Variants in HSD11B1L observed in about 807,000 individuals in gnomAD.
HSD11B1L encodes the protein hydroxysteroid 11-beta dehydrogenase 1 like, also known as hydroxysteroid 11-beta-dehydrogenase 1-like protein.
HSD11B1L carries 22 observed loss-of-function variants against 27.0 expected under a neutral mutation model. That is an observed-to-expected ratio of 0.81 (90% CI 0.58 to 1.16). The LOEUF is 1.16. Among genes scored for constraint, HSD11B1L ranks in the 50% most tolerant of loss-of-function variants. The pLI is 0.00. For synonymous variants in HSD11B1L, 187 were observed against 189.2 expected (o/e 0.99, Z 0.09); for missense variants, 372 against 401.8 (o/e 0.93, Z 0.63).
chr19:5,684,208 G>T (rs952375836), intron 1 of HSD11B1L: 1 of 356,650 alleles, frequency 2.8e-6, no homozygotes, highest in Non-Finnish European at 5.0e-6. Flanking sequence ...TAGAGATGGG[G>T]TTTCACCATG....
chr19:5,686,450 A>T lies in HSD11B1L; in HGVS notation c.239A>T (p.Lys80Met). ...VGNCRKLGAPKVFYIAADMAS... is the reference protein window; with the variant it reads ...VGNCRKLGAPMVFYIAADMAS... ...AACTGCCGGAAGCTGGGCGCCCCCA[A>T]GGTCTTCTACATCGCGGCGGACATG... is the stretch of plus-strand genomic sequence containing the variant. Residue 80 changes from lysine (K) to methionine (M), a missense_variant, in exon 4 of 8, where the codon AAG becomes ATG. Lys to Met is a moderately conservative substitution (Grantham distance 95). Transcript: ENST00000339423. The T allele has an allele frequency of 6.3e-7, 1 of 1,585,490 alleles. No homozygotes were observed. Among genetic ancestry groups the T allele is most frequent in the Non-Finnish European group, 8.6e-7 (1 of 1,167,792 alleles).
At position 5,687,644 on chromosome 19, in the gene HSD11B1L, G is replaced by A. The variant is rs765182780; in HGVS notation, c.644G>A (p.Arg215His). 1.9e-6 allele frequency: 3 copies of A among 1,592,260 alleles called. No homozygotes were observed. In the South Asian group the frequency reaches 3.4e-5, roughly 18 times the overall value. The part of the protein sequence containing the change: ...ITMCVLGLRD[R>H]ASAAEAVRGV... ...ATGTGCGTCCTGGGCCTCCGAGATC[G>A]CGCCTCCGCCGCCGAGGCAGTCAGG... Residue 215 changes from arginine (R) to histidine (H), a missense_variant, in exon 7 of 8, where the codon CGC (arginine) becomes CAC (histidine). Physicochemically the swap from Arg to His is conservative, Grantham distance 29. Coordinates refer to ENST00000339423, the MANE Select transcript of HSD11B1L (RefSeq NM_198706.3). The surrounding 1 kb of genome is among the most constrained non-coding windows in gnomAD (Gnocchi z 6.6).
At position 5,688,059 on chromosome 19, in the gene HSD11B1L, A is replaced by G; in HGVS notation, c.*114A>G. 6.4e-7 allele frequency: 1 copy of G among 1,551,598 alleles called. No homozygotes were observed. On this transcript the variant is annotated 3_prime_UTR_variant, in exon 8 of 8. Transcript: ENST00000339423. ...AGAGGGTGGCCACAGCCCAAGATGA[A>G]GTCATCAAGACAGAAAAGCAAAACC... is the stretch of plus-strand genomic sequence containing the variant.
intron 1 of HSD11B1L, chr19:5,684,035 G>A: frequency 2.1e-6 from 1 of 476,724 alleles, no homozygotes; most frequent in South Asian, 3.8e-5. Flanking sequence ...GGAGTGCAAT[G>A]GCAAATCTCG....
chr19:5,684,448 T>G (rs1017930178), intron 1 of HSD11B1L: 1 of 390,156 alleles, frequency 2.6e-6, no homozygotes, highest in Non-Finnish European at 4.6e-6. Context: ...GACTGGCTGG[T>G]TTCAAGGAAC....
rs2054646639 is a variant in HSD11B1L at position 5,684,852 on chromosome 19, C to T, written c.20C>T (p.Thr7Ile). 6.2e-7 allele frequency: 1 copy of T among 1,613,760 alleles called. No individual in the cohort carries two copies. The highest frequency in any genetic ancestry group is 1.3e-5 in the African/African-American group (1 of 74,934). Reference sequence around the variant, plus strand: ...AGGACCATGAAGGTGCTTCTCCTCACAGGGCTGGGGGCCCTGTTCTTCGCC... The same window carrying T: ...AGGACCATGAAGGTGCTTCTCCTCATAGGGCTGGGGGCCCTGTTCTTCGCC... MKVLLLTGLGALFFAYY... is the reference protein window; with the variant it reads MKVLLLIGLGALFFAYY... Residue 7 changes from threonine to isoleucine, a missense_variant, in exon 2 of 8, where the codon ACA (threonine) becomes ATA (isoleucine). Coordinates refer to ENST00000339423, the MANE Select transcript of HSD11B1L (RefSeq NM_198706.3).
At chr19:5,684,453 A>G in intron 1 of HSD11B1L, 1 of 400,190 alleles carries the variant, frequency 2.5e-6, no homozygotes. Context: ...GCTGGTTTCA[A>G]GGAACAGCGA....
Position 5,687,887 on chromosome 19 carries a change from C to A in HSD11B1L, c.803C>A (p.Pro268Gln), listed in dbSNP as rs1269827373. Reference sequence around the variant, plus strand: ...CTGTGCTTGCTCCGGCGCTGGCTACCGCGCCCGCGGGCCTGGTTTATCCGC... The same window carrying A: ...CTGTGCTTGCTCCGGCGCTGGCTACAGCGCCCGCGGGCCTGGTTTATCCGC... ...RLLCLLRRWL[P>Q]RPRAWFIRQE... Residue 268 changes from proline (P) to glutamine (Q), a missense_variant, in exon 8 of 8, where the codon CCG (proline) becomes CAG (glutamine). Physicochemically the swap from Pro to Gln is moderately conservative, Grantham distance 76. Transcript: ENST00000339423. The surrounding 1 kb of genome is among the most constrained non-coding windows in gnomAD (Gnocchi z 6.6). 2 of 1,580,150 alleles carry A rather than the reference C, an allele frequency of 1.3e-6. No individual in the cohort carries two copies. Among genetic ancestry groups the A allele is most frequent in the South Asian group, 1.1e-5 (1 of 87,442 alleles).
In HSD11B1L at chr19:5,687,453, G is replaced by C; in HGVS notation, c.503-50G>C. 1 of 1,589,910 alleles carries C rather than the reference G, an allele frequency of 6.3e-7. No individual in the cohort carries two copies. The highest frequency in any genetic ancestry group is 8.5e-7 in the Non-Finnish European group (1 of 1,172,796). The stretch of plus-strand genomic sequence containing the variant: ...GGGTGAGCCTGGAGGGTCTGGGCAG[G>C]CTTCCCGGACGAGGGGGAGCCACTC... On this transcript the variant is annotated intron_variant, in intron 6 of 7. Transcript: ENST00000339423. The surrounding 1 kb of genome is among the most constrained non-coding windows in gnomAD (Gnocchi z 6.6).
rs1429880733 is a variant in HSD11B1L, at chr19:5,687,041, G to C, written c.408+50G>C. On this transcript the variant is annotated intron_variant, in intron 5 of 7. Transcript: ENST00000339423. This position sits in a 1 kb window ranked among gnomAD's most constrained non-coding sequence, Gnocchi z 6.6. Reference sequence around the variant, plus strand: ...GCCCGCCCCTCTATCTCAGGGACCGGTGGTCCGTTCCCTTCGCGGTCCGGG... The same window carrying C: ...GCCCGCCCCTCTATCTCAGGGACCGCTGGTCCGTTCCCTTCGCGGTCCGGG... The C allele has an allele frequency of 1.4e-6, 2 of 1,458,008 alleles. No individual in the cohort carries two copies. Among genetic ancestry groups the C allele is most frequent in the Non-Finnish European group, 9.3e-7 (1 of 1,074,480 alleles). The allele number at this position is 1,458,008 out of a possible 1,614,324, so 90.3% of individuals were successfully genotyped here. A position where few individuals can be genotyped will look rare whatever the true frequency, so the allele number is the denominator to read the frequency against.
chr19:5,685,155 GC>G lies in HSD11B1L; in HGVS notation c.204+37del. ...CCATGTCTAGATGAATGGTGGGGGT[GC>G]TCATGGGGGGTGGGAAGAGAGCCTG... On this transcript the variant is annotated intron_variant, in intron 3 of 7. Coordinates refer to ENST00000339423, the MANE Select transcript of HSD11B1L (RefSeq NM_198706.3). This position sits in a 1 kb window ranked among gnomAD's most constrained non-coding sequence, Gnocchi z 4.3. 6.5e-7 allele frequency: 1 copy of G among 1,539,222 alleles called. No homozygotes were observed. The highest frequency in any genetic ancestry group is 8.7e-7 in the Non-Finnish European group (1 of 1,146,590).
Position 5,687,786 on chromosome 19 carries a change from C to T in HSD11B1L, c.702C>T (p.Pro234=), listed in dbSNP as rs1348653305. ...CGAGGGTCAAGGCGGCCCCGGGGCC[C>T]AAGGCAGCCCTGGCCGTGATCCGCG... is the stretch of plus-strand genomic sequence containing the variant. ...GVTRVKAAPG[P]KAALAVIRGG... Residue 234 remains proline (P), a synonymous_variant, in exon 8 of 8, where the codon CCC becomes CCT. Coordinates refer to ENST00000339423, the MANE Select transcript of HSD11B1L (RefSeq NM_198706.3). This position sits in a 1 kb window ranked among gnomAD's most constrained non-coding sequence, Gnocchi z 6.6. The T allele has an allele frequency of 6.7e-7, 1 of 1,491,582 alleles. No homozygotes were observed. The allele number at this position is 1,491,582 out of a possible 1,614,324, so 92.4% of individuals were successfully genotyped here.
rs2054657347 is a variant in HSD11B1L, at chr19:5,685,203, C to T, written c.204+84C>T. 2.0e-6 allele frequency: 3 copies of T among 1,498,254 alleles called. No homozygotes were observed. The highest frequency in any genetic ancestry group is 2.5e-5 in the East Asian group (1 of 40,742). The allele number at this position is 1,498,254 out of a possible 1,614,324, so 92.8% of individuals were successfully genotyped here. A position where few individuals can be genotyped will look rare whatever the true frequency, so the allele number is the denominator to read the frequency against. ...CCTGGGTTTAATCCCTGCAATGATC[C>T]AGGCTTCCCGTGTGACCTTGGGCAA... On this transcript the variant is annotated intron_variant, in intron 3 of 7. Transcript: ENST00000339423. The surrounding 1 kb of genome is among the most constrained non-coding windows in gnomAD (Gnocchi z 4.3).
intron 1 of HSD11B1L, chr19:5,684,077 G>A (rs774716236): frequency 4.2e-6 from 2 of 477,780 alleles, no homozygotes; most frequent in Non-Finnish European, 7.5e-6. Context: ...CCAGGTTCAA[G>A]CGATTCTCCT....
At chr19:5,683,947 C>T in intron 1 of HSD11B1L, 2 of 393,694 alleles carry the variant, frequency 5.1e-6, no homozygotes, top group Non-Finnish European at 4.5e-6. Flanking sequence ...AGGAGGCCCT[C>T]ACTTGAAGGA....
chr19:5,687,545 A>C lies in HSD11B1L; in HGVS notation c.545A>C (p.Lys182Thr). The change falls in exon 7 of 8, where the codon AAG becomes ACG. Residue 182 changes from lysine (K) to threonine (T), a missense_variant. By Grantham distance (78) the Lys-to-Thr change is moderately conservative (BLOSUM62 -1). Transcript: ENST00000339423. This position sits in a 1 kb window ranked among gnomAD's most constrained non-coding sequence, Gnocchi z 6.6. ...TSFSTPYSAA[K>T]FALDGFFGSL... ...TTCTCCACTCCCTACTCGGCGGCCA[A>C]GTTTGCGCTGGACGGCTTCTTCGGC... 1 of 1,599,950 alleles carries C rather than the reference A, an allele frequency of 6.3e-7. No individual in the cohort carries two copies. Among genetic ancestry groups the C allele is most frequent in the African/African-American group, 1.3e-5 (1 of 74,982 alleles).
At chr19:5,682,787 T>C (rs369113688) in intron 1 of HSD11B1L, among the ~76,000 whole-genome samples, 21 of 148,670 alleles carry the variant, frequency 1.4e-4, no homozygotes, top group African/African-American at 5.0e-4. Flanking sequence ...GTTCTGGAAG[T>C]CCCCTTCCCC....
At chr19:5,684,500 A>T in intron 1 of HSD11B1L, 1 of 502,172 alleles carries the variant, frequency 2.0e-6, no homozygotes, top group South Asian at 3.0e-5. Context: ...AGCAAGGAGG[A>T]CAGGTCCACA....
intron 1 of HSD11B1L, chr19:5,683,940 A>T: frequency 2.6e-6 from 1 of 384,604 alleles, no homozygotes; most frequent in Non-Finnish European, 4.6e-6. Flanking sequence ...TAAAAAAAGG[A>T]GGCCCTCACT....
Sources: allele counts gnomAD v4.1 joint callset (sites outside exome capture counted in the v4.1 genomes callset), GRCh38; gene constraint gnomAD v4.1.1; non-coding constraint Gnocchi (gnomAD v3.1); transcripts MANE v1.5; gene names NCBI Gene and HGNC (gene_info 2026-07-23, HGNC 2026-07-21).